Variants in MS4A14 observed in about 807,000 individuals in gnomAD.
MS4A14 encodes membrane-spanning 4-domains subfamily A member 14.
In MS4A14, 18 loss-of-function variants were observed where a neutral mutation model predicts 16.7. That is an observed-to-expected ratio of 1.08 (90% CI 0.75 to 1.60). The LOEUF (loss-of-function observed/expected upper bound fraction) is 1.60, where lower values mean the gene tolerates loss of function less well. Among genes scored for constraint, MS4A14 ranks in the 40% most tolerant of loss-of-function variants. The pLI, the probability that MS4A14 is intolerant of heterozygous loss-of-function variation, is 0.00. For missense variants in MS4A14, 812 were observed against 775.3 expected (o/e 1.05, Z -0.56); for synonymous variants, 305 against 289.4 (o/e 1.05, Z -0.55).
intron 4 of MS4A14, among the ~76,000 whole-genome samples, chr11:60,414,024 G>A (rs1438363784): frequency 6.6e-6 from 1 of 152,014 alleles, no homozygotes; most frequent in East Asian, 1.9e-4. Flanking sequence ...TCTAAAAGAA[G>A]GATAATAACT....
chr11:60,414,780 G>A (rs936595823), intron 4 of MS4A14, among the ~76,000 whole-genome samples: 9 of 151,904 alleles, frequency 5.9e-5, no homozygotes, highest in Non-Finnish European at 1.2e-4. Flanking sequence ...TTTTGTACCC[G>A]CTATTCCACT....
At chr11:60,405,514 T>C (rs12795827) in intron 4 of MS4A14, among the ~76,000 whole-genome samples, 35,021 of 152,236 alleles carry the variant, frequency 0.23, 4,968 homozygotes, top group Non-Finnish European at 0.3. Context: ...CTGTGGGCTA[T>C]ATCCAGCCTG....
chr11:60,406,816 C>T (rs900850765), intron 4 of MS4A14, among the ~76,000 whole-genome samples: 2 of 152,124 alleles, frequency 1.3e-5, no homozygotes, highest in Admixed American at 1.3e-4. Flanking sequence ...TCAATGTTCT[C>T]ATCACCTAGA....
rs1186104532 is a variant in MS4A14 at position 60,400,410 on chromosome 11, C to G, written c.274C>G (p.Leu92Val). ...YPFWGALIFILTGYLTVTDKK... is the reference protein window; with the variant it reads ...YPFWGALIFIVTGYLTVTDKK... ...TCTCTTGTCTTCTTAACAGTTTATT[C>G]TTACAGGATACCTCACAGTAACCGA... Residue 92 changes from leucine to valine, a missense_variant, in exon 3 of 5, where the codon CTT (leucine) becomes GTT (valine). Transcript: ENST00000300187. 1.2e-6 allele frequency: 2 copies of G among 1,602,446 alleles called. No individual in the cohort carries two copies. Among genetic ancestry groups the G allele is most frequent in the Non-Finnish European group, 1.7e-6 (2 of 1,171,454 alleles).
Position 60,416,230 on chromosome 11 carries a change from C to CA in MS4A14, c.1263dup (p.Ser422IlefsTer8), listed in dbSNP as rs769634055. 1.1e-5 allele frequency: 18 copies of CA among 1,614,014 alleles called. No homozygotes were observed. Among genetic ancestry groups the CA allele is most frequent in the Non-Finnish European group, 1.4e-5 (17 of 1,179,964 alleles). On this transcript the variant is annotated frameshift_variant, in exon 5 of 5. Transcript: ENST00000300187. LOFTEE classifies it low-confidence loss of function (END_TRUNC). ...CATGCCATATTACCTGAAGCCTCAA[C>CA]ATCCCATATTGTGCAGTTCCCTGAA...
At chr11:60,410,551 T>C (rs966585548) in intron 4 of MS4A14, among the ~76,000 whole-genome samples, 2 of 152,228 alleles carry the variant, frequency 1.3e-5, no homozygotes, top group Admixed American at 1.3e-4. Context: ...CCAACTTTTT[T>C]CCATGAAATG....
In MS4A14 at chr11:60,416,493, G is replaced by T; in HGVS notation, c.1525G>T (p.Gly509Cys). ...RRHSLDVQAK[G>C]QKSSKRHSLD... ...ACATTCTTTAGACGTGCAAGCCAAA[G>T]GCCAGAAATCCTCAAAGAGGCATTC... The change falls in exon 5 of 5, where the codon GGC (glycine) becomes TGC (cysteine). Residue 509 changes from glycine to cysteine, a missense_variant. Gly to Cys is a radical substitution (Grantham distance 159). Transcript: ENST00000300187. 1 of 1,613,878 alleles carries T rather than the reference G, an allele frequency of 6.2e-7. No homozygotes were observed. Among genetic ancestry groups the T allele is most frequent in the Non-Finnish European group, 8.5e-7 (1 of 1,179,924 alleles).
rs370073179 is a variant in MS4A14 at position 60,405,081 on chromosome 11, CT to C, written c.468+2034del. 2.2e-3 allele frequency among the ~76,000 whole-genome samples: 311 copies of C among 143,760 alleles called. 1 individual carries two copies. The highest frequency in any genetic ancestry group is 8.6e-3 in the South Asian group (39 of 4,532). 94.3% of individuals were successfully genotyped at this position (143,760 alleles called of 152,430 possible). On this transcript the variant is annotated intron_variant, in intron 4 of 4. Transcript: ENST00000300187. The stretch of plus-strand genomic sequence containing the variant: ...AAGGTTAAGTGGGACTTTGGACCCA[CT>C]TTTTTTTTTTTTTGAGATGGAGTTT...
intron 4 of MS4A14, among the ~76,000 whole-genome samples, chr11:60,407,185 T>A (rs868692104): frequency 7.9e-5 from 12 of 151,854 alleles, no homozygotes; most frequent in African/African-American, 2.9e-4. Flanking sequence ...CAGCTAAATT[T>A]TTTTTGTATT....
intron 4 of MS4A14, among the ~76,000 whole-genome samples, chr11:60,407,616 AT>A (rs1447020270): frequency 6.6e-6 from 1 of 152,148 alleles, no homozygotes; most frequent in Admixed American, 6.6e-5. Context: ...TAATTTAGCT[AT>A]TTTAGTGGGT....
intron 2 of MS4A14, chr11:60,398,308 T>C (rs2085660431): frequency 5.1e-6 from 1 of 195,170 alleles, no homozygotes; most frequent in Non-Finnish European, 1.1e-5. Flanking sequence ...AAGTAGAGAA[T>C]AACTTAAACA....
rs1291246042 is a variant in MS4A14, at chr11:60,415,431, T to C, written c.469-6T>C. On this transcript the variant is annotated splice_polypyrimidine_tract_variant and splice_region_variant and intron_variant, in intron 4 of 4. Coordinates refer to ENST00000300187, the MANE Select transcript of MS4A14 (RefSeq NM_032597.5). ...ATATTAATTACCCTCATCCTTGCTTTTATAGGTTCTGTTTTTCTTGCCTTC... is the reference window on the plus strand; with the variant it reads ...ATATTAATTACCCTCATCCTTGCTTCTATAGGTTCTGTTTTTCTTGCCTTC... 8.2e-6 allele frequency: 13 copies of C among 1,591,328 alleles called. No individual in the cohort carries two copies. The highest frequency in any genetic ancestry group is 1.0e-5 in the Non-Finnish European group (12 of 1,171,572).
At position 60,401,884 on chromosome 11, in the gene MS4A14, G is replaced by A. The variant is rs533338386; in HGVS notation, c.319-1028G>A. On this transcript the variant is annotated intron_variant, in intron 3 of 4. Coordinates refer to ENST00000300187, the MANE Select transcript of MS4A14 (RefSeq NM_032597.5). ...AGTGCCTATTTGCAATAAAAACCTG[G>A]GATTGAGGTAAACATTAAGTCACAA... 6.7e-4 allele frequency among the ~76,000 whole-genome samples: 102 copies of A among 152,220 alleles called. 1 individual carries two copies. The South Asian group carries it at 0.021, about 31-fold the overall frequency.
chr11:60,416,136 ACACCATCC>A lies in MS4A14; in HGVS notation c.1172_1179del (p.Pro391ArgfsTer25). 1.2e-6 allele frequency: 2 copies of A among 1,611,206 alleles called. No individual in the cohort carries two copies. The highest frequency in any genetic ancestry group is 1.7e-6 in the Non-Finnish European group (2 of 1,178,718). On this transcript the variant is annotated frameshift_variant, in exon 5 of 5. Transcript: ENST00000300187. LOFTEE classifies it low-confidence loss of function (END_TRUNC). ...ATCCCTAGATATGCTATCTCAAGAC[ACACCATCC>A]CACGCCATGCCACCTCAAGACATAC...
chr11:60,408,405 C>G (rs2085819979), intron 4 of MS4A14, among the ~76,000 whole-genome samples: 1 of 151,920 alleles, frequency 6.6e-6, no homozygotes, highest in Non-Finnish European at 1.5e-5. Flanking sequence ...CTATCTATGC[C>G]CCAAAATTTT....
At chr11:60,397,229 T>G (rs1178204140) in intron 1 of MS4A14, among the ~76,000 whole-genome samples, 1 of 152,174 alleles carries the variant, frequency 6.6e-6, no homozygotes, top group Non-Finnish European at 1.5e-5. Context: ...AGTTGCGCCC[T>G]GAGAACCACT....
intron 4 of MS4A14, among the ~76,000 whole-genome samples, chr11:60,405,226 T>C (rs1232134012): frequency 6.6e-6 from 1 of 152,086 alleles, no homozygotes. Flanking sequence ...ATTACAGGCA[T>C]GCACCACCAG....
rs763176359 is a variant in MS4A14, at chr11:60,415,487, C to A, written c.519C>A (p.Ala173=). ...SDVTQNSEQP[A]PEENDQLQFV... The stretch of plus-strand genomic sequence containing the variant: ...TTACTCAAAATAGTGAACAACCTGC[C>A]CCAGAAGAAAATGATCAATTACAAT... The change falls in exon 5 of 5, where the codon GCC becomes GCA. Residue 173 remains alanine, a synonymous_variant. Coordinates refer to ENST00000300187, the MANE Select transcript of MS4A14 (RefSeq NM_032597.5). The A allele has an allele frequency of 6.2e-7, 1 of 1,613,102 alleles. No individual in the cohort carries two copies. The highest frequency in any genetic ancestry group is 8.5e-7 in the Non-Finnish European group (1 of 1,179,616).
At chr11:60,402,840 A>C in intron 3 of MS4A14, 72 bp from the exon 4 acceptor site, 1 of 1,498,022 alleles carries the variant, frequency 6.7e-7, no homozygotes, top group Non-Finnish European at 9.2e-7. Context: ...AAAAGCACTA[A>C]AAATTTCTTA....
Sources: allele counts gnomAD v4.1 joint callset (sites outside exome capture counted in the v4.1 genomes callset), GRCh38; gene constraint gnomAD v4.1.1; transcripts MANE v1.5; gene names NCBI Gene and HGNC (gene_info 2026-07-23, HGNC 2026-07-21).